The following PARD3B variants were observed in gnomAD, a reference collection of about 807,000 sequenced individuals.
PARD3B encodes par-3 family cell polarity regulator beta.
Under a neutral mutation model 130.2 loss-of-function variants are expected in PARD3B, and 103 were observed. The ratio of observed to expected loss-of-function variants is 0.79; its 90% CI spans 0.67 to 0.93. The LOEUF is 0.93. PARD3B is among the 40% of genes least tolerant of loss of function. The pLI is 0.00. For synonymous variants in PARD3B, 583 were observed against 553.2 expected (o/e 1.05, Z -0.76); for missense variants, 1,609 against 1,499.2 (o/e 1.07, Z -1.21).
At chr2:205,074,737 A>C (rs1266618323) in intron 4 of PARD3B, among the ~76,000 whole-genome samples, 1 of 152,204 alleles carries the variant, frequency 6.6e-6, no homozygotes, top group South Asian at 2.1e-4. Context: ...TGTAAATGGC[A>C]GCACCCAATG....
At chr2:205,205,779 C>A (rs1012133730) in intron 15 of PARD3B, among the ~76,000 whole-genome samples, 4 of 152,206 alleles carry the variant, frequency 2.6e-5, no homozygotes, top group Non-Finnish European at 5.9e-5. Flanking sequence ...ACCAGCCTTG[C>A]ATCCCAGGGA....
intron 2 of PARD3B, among the ~76,000 whole-genome samples, chr2:204,711,496 C>T (rs551848507): frequency 6.6e-6 from 1 of 152,226 alleles, no homozygotes; most frequent in Admixed American, 6.5e-5. Context: ...CTTACAACTG[C>T]ATATTGTCTC....
At chr2:204,551,802 A>G (rs569239247) in intron 1 of PARD3B, among the ~76,000 whole-genome samples, 43 of 152,308 alleles carry the variant, frequency 2.8e-4, no homozygotes, top group Admixed American at 8.5e-4. Context: ...GGCAAATGGT[A>G]ATGTTGTCAG....
At chr2:205,073,207 T>C (rs1042755247) in intron 4 of PARD3B, among the ~76,000 whole-genome samples, 2 of 152,114 alleles carry the variant, frequency 1.3e-5, no homozygotes, top group African/African-American at 2.4e-5. Context: ...ACTTAAAAAA[T>C]GTAAATGTAA....
chr2:204,670,106 GA>G (rs1313921283), intron 1 of PARD3B, among the ~76,000 whole-genome samples: 1 of 152,142 alleles, frequency 6.6e-6, no homozygotes, highest in Non-Finnish European at 1.5e-5. Context: ...GTTGCCTCTG[GA>G]GAATACAGAA....
intron 19 of PARD3B, 148 bp downstream of exon 19, chr2:205,401,271 C>A (rs576883952): frequency 1.3e-5 from 8 of 601,010 alleles, no homozygotes; most frequent in Non-Finnish European, 2.2e-5. Flanking sequence ...ACAAAAAGAA[C>A]CTCCCTTTCT....
At chr2:204,881,673 T>C (rs1425198246) in intron 2 of PARD3B, among the ~76,000 whole-genome samples, 1 of 152,224 alleles carries the variant, frequency 6.6e-6, no homozygotes, top group Non-Finnish European at 1.5e-5. Flanking sequence ...GGCAAATTTC[T>C]GATGGATTCC....
At chr2:205,017,244 A>G (rs528505886) in intron 3 of PARD3B, among the ~76,000 whole-genome samples, 4 of 152,308 alleles carry the variant, frequency 2.6e-5, no homozygotes, top group Admixed American at 1.3e-4. Context: ...AACACAGAAC[A>G]TTATACCCTA....
intron 1 of PARD3B, among the ~76,000 whole-genome samples, chr2:204,567,654 A>G (rs1459671048): frequency 6.6e-6 from 1 of 152,130 alleles, no homozygotes; most frequent in African/African-American, 2.4e-5. Context: ...GGTTATTGCA[A>G]ATAGTGCCAC....
intron 2 of PARD3B, among the ~76,000 whole-genome samples, chr2:204,766,223 T>G (rs2041139358): frequency 6.6e-6 from 1 of 152,182 alleles, no homozygotes; most frequent in African/African-American, 2.4e-5. Flanking sequence ...CCTAGAAACT[T>G]TCTTCCAAAT....
intron 2 of PARD3B, among the ~76,000 whole-genome samples, chr2:204,740,792 T>C (rs1463420361): frequency 6.6e-6 from 1 of 152,170 alleles, no homozygotes. Context: ...AGCTCTAGGC[T>C]CCCAGTGCAA....
intron 2 of PARD3B, among the ~76,000 whole-genome samples, chr2:204,783,472 G>A (rs1185574068): frequency 6.6e-6 from 1 of 152,012 alleles, no homozygotes; most frequent in African/African-American, 2.4e-5. Flanking sequence ...TCCCTCAAGG[G>A]CCTATCTCCA....
intron 20 of PARD3B, among the ~76,000 whole-genome samples, chr2:205,451,261 A>C (rs931302798): frequency 6.6e-6 from 1 of 152,214 alleles, no homozygotes; most frequent in Non-Finnish European, 1.5e-5. Flanking sequence ...GGCCAATGGA[A>C]TGTGCTAGTC....
intron 2 of PARD3B, among the ~76,000 whole-genome samples, chr2:204,861,481 A>AT (rs1462454956): frequency 2.0e-4 from 30 of 152,124 alleles, no homozygotes; most frequent in African/African-American, 7.2e-4. Flanking sequence ...TGAAGTTTAA[A>AT]TTTTTGGTAT....
chr2:204,767,178 T>A (rs1254670012), intron 2 of PARD3B, among the ~76,000 whole-genome samples: 1 of 61,328 alleles, frequency 1.6e-5, no homozygotes, highest in Non-Finnish European at 3.3e-5. Context: ...GTCCCCAGAG[T>A]GTGATATTCC....
chr2:204,546,231 C>A, intron 1 of PARD3B, 112 bp downstream of exon 1: 2 of 1,412,610 alleles, frequency 1.4e-6, no homozygotes, highest in South Asian at 1.3e-5. Flanking sequence ...TGGGGCACTG[C>A]CTGTAGCTGC....
rs553669182 is a variant in PARD3B, at chr2:204,896,524, T to C, written c.223-68628T>C. Among the ~76,000 whole-genome samples the C allele has an allele frequency of 6.6e-5, 10 of 152,338 alleles. No homozygotes were observed. In the South Asian group the frequency reaches 1.9e-3, roughly 28 times the overall value. On this transcript the variant is annotated intron_variant, in intron 2 of 22. Transcript: ENST00000406610. ...TATGAAATGGAGGTAACGTTTTGAA[T>C]CTACCATACTGTAGAGATTGATTTG...
intron 22 of PARD3B, 135 bp downstream of exon 22, chr2:205,553,538 C>A: frequency 1.3e-6 from 1 of 742,526 alleles, no homozygotes; most frequent in Non-Finnish European, 2.2e-6. Flanking sequence ...CTGCTGTAGC[C>A]CTAGTTCCAT....
chr2:205,110,627 GT>G (rs1176825585), intron 5 of PARD3B, among the ~76,000 whole-genome samples: 2 of 110,676 alleles, frequency 1.8e-5, no homozygotes, highest in Non-Finnish European at 3.9e-5. Context: ...TTTATTTTCT[GT>G]TTTTTGTTTT....
Sources: allele counts gnomAD v4.1 joint callset (sites outside exome capture counted in the v4.1 genomes callset), GRCh38; gene constraint gnomAD v4.1.1; transcripts MANE v1.5; gene names NCBI Gene and HGNC (gene_info 2026-07-23, HGNC 2026-07-21).